PCDHA1: variants seen among roughly 807,000 people sequenced by gnomAD.
PCDHA1 encodes protocadherin alpha 1, also known as protocadherin alpha-1.
A neutral mutation model predicts 61.3 loss-of-function variants in PCDHA1; 42 were observed. The observed-to-expected ratio is 0.69, with a 90% CI of 0.54 to 0.89. PCDHA1 has a LOEUF of 0.89. Among genes scored for constraint, PCDHA1 ranks in the 40% least tolerant of loss-of-function variants. The pLI is 0.00. For missense variants in PCDHA1, 1,256 were observed against 1,235.3 expected (o/e 1.02, Z -0.25); for synonymous variants, 610 against 553.8 (o/e 1.10, Z -1.43).
At chr5:140,850,268 G>T in intron 1 of PCDHA1, 1 of 1,594,774 alleles carries the variant, frequency 6.3e-7, no homozygotes, top group Non-Finnish European at 8.6e-7. Flanking sequence ...GCGTAGTGGT[G>T]GGGAAGGTGC....
intron 1 of PCDHA1, among the ~76,000 whole-genome samples, chr5:140,923,825 G>A (rs2081532169): frequency 6.6e-6 from 1 of 152,224 alleles, no homozygotes; most frequent in East Asian, 1.9e-4. Context: ...ATAGACGTCA[G>A]TGGCAGTTTA....
chr5:140,855,864 G>A, intron 1 of PCDHA1: 6 of 775,890 alleles, frequency 7.7e-6, no homozygotes, highest in African/African-American at 1.7e-5. Context: ...TGTCGCTGTC[G>A]TCCACAAAAT....
intron 1 of PCDHA1, among the ~76,000 whole-genome samples, chr5:140,937,501 C>T (rs2091550832): frequency 6.6e-6 from 1 of 152,126 alleles, no homozygotes; most frequent in Admixed American, 6.5e-5. Context: ...CCCGTAATCC[C>T]AGCTACTCAG....
At chr5:140,826,319 GT>G (rs1554130524) in intron 1 of PCDHA1, among the ~76,000 whole-genome samples, 1 of 147,564 alleles carries the variant, frequency 6.8e-6, no homozygotes, top group African/African-American at 2.7e-5. Context: ...TTTGGGGATT[GT>G]TTTTGGTTAA....
At chr5:140,874,406 C>T (rs1399717105) in intron 1 of PCDHA1, among the ~76,000 whole-genome samples, 2 of 152,122 alleles carry the variant, frequency 1.3e-5, no homozygotes, top group Non-Finnish European at 2.9e-5. Flanking sequence ...ATAACAGTCA[C>T]CATTCTGATT....
chr5:140,871,656 A>C, intron 1 of PCDHA1: 1 of 1,231,284 alleles, frequency 8.1e-7, no homozygotes, highest in Non-Finnish European at 1.1e-6. Flanking sequence ...AATGATACAC[A>C]TCTTCAGTCT....
At chr5:140,828,988 G>C (rs782358243) in intron 1 of PCDHA1, 1 of 1,613,864 alleles carries the variant, frequency 6.2e-7, no homozygotes, top group African/African-American at 1.3e-5. Context: ...ATCGAAATAC[G>C]GGAGAAATAG....
intron 1 of PCDHA1, among the ~76,000 whole-genome samples, chr5:140,789,059 A>T (rs905871331): frequency 1.1e-4 from 16 of 152,254 alleles, no homozygotes; most frequent in Non-Finnish European, 4.4e-5. Flanking sequence ...CCGGACAAAC[A>T]ATTCTTGACA....
At chr5:140,862,555 G>A (rs926436647) in intron 1 of PCDHA1, 1 of 467,658 alleles carries the variant, frequency 2.1e-6, no homozygotes, top group South Asian at 1.7e-5. Flanking sequence ...TGGCCGAACA[G>A]TGAACCACAA....
chr5:141,002,195 A>G (rs2098065094), intron 3 of PCDHA1, among the ~76,000 whole-genome samples: 1 of 152,244 alleles, frequency 6.6e-6, no homozygotes, highest in South Asian at 2.1e-4. Flanking sequence ...CTGGCAAGAT[A>G]GTCCCCGGCT....
intron 1 of PCDHA1, chr5:140,822,046 C>T (rs2150113189): frequency 6.2e-6 from 10 of 1,614,162 alleles, no homozygotes; most frequent in Middle Eastern, 3.3e-4. Flanking sequence ...TCGGATCGAC[C>T]GGGAGGAGCT....
At chr5:140,893,570 G>A (rs1583135271) in intron 1 of PCDHA1, among the ~76,000 whole-genome samples, 1 of 152,154 alleles carries the variant, frequency 6.6e-6, no homozygotes, top group African/African-American at 2.4e-5. Context: ...TACTTCCTCA[G>A]TTTTTGCTTG....
chr5:140,808,093 T>C, intron 1 of PCDHA1: 1 of 1,613,984 alleles, frequency 6.2e-7, no homozygotes, highest in Non-Finnish European at 8.5e-7. Flanking sequence ...CTGGACAAAT[T>C]ATTGTAAAGG....
intron 1 of PCDHA1, chr5:140,968,750 G>A: frequency 6.2e-7 from 1 of 1,614,144 alleles, no homozygotes; most frequent in Non-Finnish European, 8.5e-7. Context: ...GACCGTGGTG[G>A]TCCGAGATAA....
intron 1 of PCDHA1, chr5:140,926,752 C>T (rs1176032200): frequency 8.0e-7 from 1 of 1,254,344 alleles, no homozygotes; most frequent in Admixed American, 3.6e-5. Context: ...CGTCGGCGGT[C>T]GCTGAGTATC....
chr5:140,976,781 T>C (rs1238344428), intron 1 of PCDHA1, among the ~76,000 whole-genome samples: 26 of 152,206 alleles, frequency 1.7e-4, no homozygotes, highest in Admixed American at 1.6e-3. Flanking sequence ...TCTGACTATA[T>C]AGCTACGCTT....
At chr5:140,866,752 C>G (rs928654608) in intron 1 of PCDHA1, 1 of 152,140 alleles carries the variant, frequency 6.6e-6, no homozygotes, top group Non-Finnish European at 1.5e-5. Context: ...ATATGACTAA[C>G]AGGACATACA....
intron 1 of PCDHA1, among the ~76,000 whole-genome samples, chr5:140,962,930 C>T (rs2095720492): frequency 6.6e-6 from 1 of 152,144 alleles, no homozygotes; most frequent in Admixed American, 6.5e-5. Context: ...TACTTCTCAA[C>T]CTCCTCTCCA....
intron 3 of PCDHA1, among the ~76,000 whole-genome samples, chr5:140,987,644 T>G (rs1461630900): frequency 6.6e-6 from 1 of 152,220 alleles, no homozygotes; most frequent in Non-Finnish European, 1.5e-5. Context: ...TGCACACATA[T>G]TGCAGAATCT....
Sources: allele counts gnomAD v4.1 joint callset (sites outside exome capture counted in the v4.1 genomes callset), GRCh38; gene constraint gnomAD v4.1.1; transcripts MANE v1.5; gene names NCBI Gene and HGNC (gene_info 2026-07-23, HGNC 2026-07-21).